PCDHGA6: variants seen among roughly 807,000 people sequenced by gnomAD.
PCDHGA6 encodes the protein protocadherin gamma-A6.
Under a neutral mutation model 60.6 loss-of-function variants are expected in PCDHGA6, and 41 were observed. The ratio of observed to expected loss-of-function variants is 0.68; its 90% confidence interval spans 0.53 to 0.88. The LOEUF is 0.88. PCDHGA6 is among the 40% of genes least tolerant of loss of function. The pLI is 0.00. For synonymous variants in PCDHGA6, 594 were observed against 524.4 expected, an observed-to-expected ratio of 1.13 and a Z score of -1.81; for missense variants, 1,312 against 1,203.0, an observed-to-expected ratio of 1.09 and a Z score of -1.34.
intron 1 of PCDHGA6, among the ~76,000 whole-genome samples, chr5:141,434,703 G>C (rs1198306104): frequency 6.6e-6 from 1 of 151,730 alleles, no homozygotes; most frequent in Non-Finnish European, 1.5e-5. Context: ...TAAATATGTG[G>C]GTAAATCTCT....
rs1393235114 is a variant in PCDHGA6, at chr5:141,476,581, G to T, written c.2425-18226G>T. ...CCGTGGCTCCGGGGACGCGCTTTCC[G>T]CTCGAGAGCGCGCACGATCCCGATG... On this transcript the variant is annotated intron_variant, in intron 1 of 3. Transcript: ENST00000517434. This position sits in a 1 kb window ranked among gnomAD's most constrained non-coding sequence, Gnocchi z 7.6. 8.7e-6 allele frequency: 14 copies of T among 1,614,112 alleles called. No homozygotes were observed. The Admixed American group carries it at 2.2e-4, about 25-fold the overall frequency.
chr5:141,510,916 G>C (rs1044988697), intron 3 of PCDHGA6, 31 bp from the exon 4 acceptor site: 2 of 1,613,714 alleles, frequency 1.2e-6, no homozygotes, highest in African/African-American at 1.3e-5. Flanking sequence ...CCTAAGTTTA[G>C]CTCCCACCTG....
chr5:141,489,594 T>A lies in PCDHGA6; in HGVS notation c.2425-5213T>A. The A allele has an allele frequency of 2.5e-6, 4 of 1,614,076 alleles. No homozygotes were observed. Among genetic ancestry groups the A allele is most frequent in the Non-Finnish European group, 3.4e-6 (4 of 1,179,982 alleles). ...CTGAACACCCCCTGGAGCTAATCCG[T>A]GTAGAGGTAGAGATCCTGGATCTCA... On this transcript the variant is annotated intron_variant, in intron 1 of 3. Coordinates refer to ENST00000517434, the MANE Select transcript of PCDHGA6 (RefSeq NM_018919.3). This position sits in a 1 kb window ranked among gnomAD's most constrained non-coding sequence, Gnocchi z 4.5.
At chr5:141,479,953 CAGTT>C (rs1198160373) in intron 1 of PCDHGA6, among the ~76,000 whole-genome samples, 1 of 152,182 alleles carries the variant, frequency 6.6e-6, no homozygotes, top group African/African-American at 2.4e-5. Flanking sequence ...TTGGATTTGG[CAGTT>C]AGTCAAATGA....
intron 1 of PCDHGA6, among the ~76,000 whole-genome samples, chr5:141,447,752 G>T (rs2154561873): frequency 6.6e-6 from 1 of 152,280 alleles, no homozygotes; most frequent in Admixed American, 6.5e-5. Context: ...TCTTGCATGT[G>T]ACTGTATATA....
chr5:141,471,630 G>T (rs2099261496), intron 1 of PCDHGA6: 1 of 152,108 alleles, frequency 6.6e-6, no homozygotes, highest in African/African-American at 2.4e-5. Context: ...GCATTGGTAT[G>T]GATTAGTAAT....
rs189836587 is a variant in PCDHGA6, at chr5:141,376,293, G to A, written c.2210G>A (p.Gly737Asp). 14 of 1,614,094 alleles carry A rather than the reference G, an allele frequency of 8.7e-6. No homozygotes were observed. In the Admixed American group the frequency reaches 2.0e-4, roughly 23 times the overall value. Residue 737 changes from glycine (G) to aspartate (D), a missense_variant, in exon 1 of 4, where the codon GGC (glycine) becomes GAC (aspartate). By Grantham distance (94) the Gly-to-Asp change is moderately conservative. Coordinates refer to ENST00000517434, the MANE Select transcript of PCDHGA6 (RefSeq NM_018919.3). Reference protein sequence around the residue: ...ASGGGLASMPGSHFVGVEGVR... With the variant: ...ASGGGLASMPDSHFVGVEGVR... ...GGAGGTGGCTTAGCGAGCATGCCCG[G>A]CTCGCACTTTGTGGGCGTGGAAGGG... is the stretch of plus-strand genomic sequence containing the variant.
intron 1 of PCDHGA6, chr5:141,442,380 T>G (rs1235241143): frequency 2.6e-5 from 4 of 152,244 alleles, no homozygotes; most frequent in Non-Finnish European, 4.4e-5. Flanking sequence ...TCCTACCAGG[T>G]GTGTGCTTCT....
At chr5:141,483,772 G>C (rs2099586910) in intron 1 of PCDHGA6, among the ~76,000 whole-genome samples, 1 of 152,140 alleles carries the variant, frequency 6.6e-6, no homozygotes, top group Non-Finnish European at 1.5e-5. Flanking sequence ...AAAAATATTG[G>C]GGAAGGATAA....
chr5:141,500,184 TTTTA>T (rs58019021), intron 2 of PCDHGA6, among the ~76,000 whole-genome samples: 6,359 of 135,894 alleles, frequency 0.047, 285 homozygotes, highest in African/African-American at 0.12. Context: ...TCATTTTTAT[TTTTA>T]TTTATTTATT....
chr5:141,376,675 C>CTT, intron 1 of PCDHGA6, 168 bp downstream of exon 1: 16 of 345,018 alleles, frequency 4.6e-5, no homozygotes, highest in Non-Finnish European at 6.4e-5. Context: ...GTGAGGGTAT[C>CTT]GTTTTTTTTT....
In PCDHGA6 at chr5:141,374,069, C is replaced by T. The variant is rs747646831; in HGVS notation, c.-15C>T. ...TCCTCTTCTTAATCCCAGAGAAGTT[C>T]CTAATAAGCCAGTAATGGCGCCTCC... On this transcript the variant is annotated 5_prime_UTR_variant, in exon 1 of 4. Coordinates refer to ENST00000517434, the MANE Select transcript of PCDHGA6 (RefSeq NM_018919.3). The T allele has an allele frequency of 5.3e-6, 8 of 1,502,764 alleles. No homozygotes were observed. Among genetic ancestry groups the T allele is most frequent in the Non-Finnish European group, 7.1e-6 (8 of 1,127,464 alleles). The allele number at this position is 1,502,764 out of a possible 1,614,324, so 93.1% of individuals were successfully genotyped here. A position where few individuals can be genotyped will look rare whatever the true frequency, so the allele number is the denominator to read the frequency against.
At chr5:141,412,981 G>C (rs1309699690) in intron 1 of PCDHGA6, 2 of 546,326 alleles carry the variant, frequency 3.7e-6, no homozygotes, top group Non-Finnish European at 3.1e-6. Context: ...AACGCAGCCA[G>C]AGCTCAATCC....
At chr5:141,403,699 T>G (rs780425739) in intron 1 of PCDHGA6, 6 of 1,613,934 alleles carry the variant, frequency 3.7e-6, no homozygotes, top group East Asian at 2.2e-5. Context: ...TTTACCGAGT[T>G]AAAGTCCTTG....
At chr5:141,450,046 G>A (rs1390669307) in intron 1 of PCDHGA6, among the ~76,000 whole-genome samples, 4 of 121,108 alleles carry the variant, frequency 3.3e-5, no homozygotes, top group Admixed American at 1.1e-4. Context: ...TCACTCTTTC[G>A]CCCAGGCTGG....
intron 1 of PCDHGA6, chr5:141,423,526 A>G (rs1229909527): frequency 6.2e-7 from 1 of 1,613,690 alleles, no homozygotes; most frequent in Non-Finnish European, 8.5e-7. Flanking sequence ...CTCGCAGAAG[A>G]GTCACCTGAT....
chr5:141,477,175 A>T lies in PCDHGA6; in HGVS notation c.2425-17632A>T, dbSNP rs1338347224. On this transcript the variant is annotated intron_variant, in intron 1 of 3. Transcript: ENST00000517434. This position sits in a 1 kb window ranked among gnomAD's most constrained non-coding sequence, Gnocchi z 4.9. ...TGAATGACAACGCCCCGGAGATCAC[A>T]GTCACCTCCGTGTACAGCCCAGTAC... is the stretch of plus-strand genomic sequence containing the variant. The T allele has an allele frequency of 1.2e-6, 2 of 1,614,186 alleles. No individual in the cohort carries two copies. The highest frequency in any genetic ancestry group is 3.3e-5 in the Admixed American group (2 of 60,028).
At position 141,486,059 on chromosome 5, in the gene PCDHGA6, C is replaced by T. The variant is rs141349392; in HGVS notation, c.2425-8748C>T. ...TCGTGTAAGAAACCTCTTTAGCCTG[C>T]ACCCCACTACTGGAAAGCTTACTCT... On this transcript the variant is annotated intron_variant, in intron 1 of 3. Transcript: ENST00000517434. The surrounding 1 kb of genome is among the most constrained non-coding windows in gnomAD (Gnocchi z 5.0). The T allele has an allele frequency of 9.0e-5, 146 of 1,614,034 alleles. No individual in the cohort carries two copies. The highest frequency in any genetic ancestry group is 1.2e-4 in the Non-Finnish European group (138 of 1,180,018).
At chr5:141,380,632 T>C (rs546554559) in intron 1 of PCDHGA6, among the ~76,000 whole-genome samples, 5 of 152,324 alleles carry the variant, frequency 3.3e-5, no homozygotes, top group Non-Finnish European at 7.3e-5. Flanking sequence ...ACTTAGAAAA[T>C]GTGAATGCTA....
Sources: gnomAD v4.1 joint callset for allele counts (sites outside exome capture counted in the v4.1 genomes callset) on GRCh38, gnomAD v4.1.1 for gene constraint, Gnocchi (gnomAD v3.1) non-coding constraint, MANE v1.5 for transcripts, NCBI Gene and HGNC (gene_info 2026-07-23, HGNC 2026-07-21) for gene names.